The following SUPT4H1 variants were observed in gnomAD, a reference collection of about 807,000 sequenced individuals.
SUPT4H1 encodes SPT4 homolog, DSIF elongation factor subunit.
Under a neutral mutation model 19.4 loss-of-function variants are expected in SUPT4H1, and 12 were observed. That is an observed-to-expected ratio of 0.62 (90% CI 0.40 to 1.00). The LOEUF (loss-of-function observed/expected upper bound fraction) is 1.00. SUPT4H1 is among the 50% of genes least tolerant of loss of function. The pLI is 0.00. For synonymous variants in SUPT4H1, 58 were observed against 56.3 expected (o/e 1.03, Z -0.14); for missense variants, 115 against 149.2 (o/e 0.77, Z 1.19).
At chr17:58,350,021 G>A (rs750071737) in intron 2 of SUPT4H1, among the ~76,000 whole-genome samples, 1 of 152,244 alleles carries the variant, frequency 6.6e-6, no homozygotes, top group Non-Finnish European at 1.5e-5. Flanking sequence ...AGTGGCTCAT[G>A]CCTGTAATCC....
chr17:58,351,773 A>T, intron 1 of SUPT4H1: 1 of 572,656 alleles, frequency 1.7e-6, no homozygotes, highest in South Asian at 2.1e-5. Flanking sequence ...CTACTCACTC[A>T]GCAGCGGATC....
intron 3 of SUPT4H1, 35 bp from the exon 4 acceptor site, chr17:58,347,276 G>A: frequency 6.2e-7 from 1 of 1,610,948 alleles, no homozygotes; most frequent in East Asian, 2.2e-5. Context: ...AGATTACAGT[G>A]AAGTTAGTTA....
intron 2 of SUPT4H1, among the ~76,000 whole-genome samples, chr17:58,350,924 T>G (rs1250553403): frequency 1.3e-5 from 2 of 152,102 alleles, no homozygotes; most frequent in Non-Finnish European, 2.9e-5. Flanking sequence ...AAAAAAAATT[T>G]TCATGCATTT....
chr17:58,346,442 TG>T (rs1244703044), intron 4 of SUPT4H1, 129 bp from the exon 5 acceptor site: 1 of 749,198 alleles, frequency 1.3e-6, no homozygotes, highest in African/African-American at 1.7e-5. Flanking sequence ...ATCGTCTGCT[TG>T]GCCAGGCACG....
At chr17:58,347,165 T>C (rs758508643) in intron 4 of SUPT4H1, 23 bp downstream of exon 4, 9 of 1,610,528 alleles carry the variant, frequency 5.6e-6, no homozygotes, top group Middle Eastern at 3.3e-4. Context: ...TAAATGAACA[T>C]TGGCTGTTAT....
chr17:58,350,442 C>G (rs938864943), intron 2 of SUPT4H1, among the ~76,000 whole-genome samples: 2 of 151,476 alleles, frequency 1.3e-5, no homozygotes, highest in African/African-American at 4.9e-5. Context: ...ACCTGGGAGG[C>G]GGAGGTTGCA....
intron 4 of SUPT4H1, 78 bp from the exon 5 acceptor site, chr17:58,346,391 G>C (rs533491320): frequency 1.1e-5 from 14 of 1,220,744 alleles, no homozygotes; most frequent in African/African-American, 1.0e-4. Flanking sequence ...CACCTTGAGG[G>C]GGGTACTATA....
At chr17:58,346,388 AG>A (rs34048633) in intron 4 of SUPT4H1, 75 bp from the exon 5 acceptor site, 11 of 1,266,690 alleles carry the variant, frequency 8.7e-6, no homozygotes, top group African/African-American at 1.5e-5. Context: ...TGCCACCTTG[AG>A]GGGGGTACTA....
rs778118649 is a variant in SUPT4H1, at chr17:58,346,197, A to G, written c.*49T>C. 2.7e-6 allele frequency: 4 copies of G among 1,467,742 alleles called. No individual in the cohort carries two copies. The East Asian group carries it at 6.8e-5, about 25-fold the overall frequency. 90.9% of individuals were successfully genotyped at this position (1,467,742 alleles called of 1,614,324 possible). ...TCATTTAGTTCCAGAACAAGAAATAAGCAGAGGCAGGAGGTGGAGAGCAAA... is the reference window on the plus strand; with the variant it reads ...TCATTTAGTTCCAGAACAAGAAATAGGCAGAGGCAGGAGGTGGAGAGCAAA... On this transcript the variant is annotated 3_prime_UTR_variant, in exon 5 of 5. Coordinates refer to ENST00000225504, the MANE Select transcript of SUPT4H1 (RefSeq NM_003168.3).
In SUPT4H1 at chr17:58,351,294, A is replaced by C. The variant is rs1025586213; in HGVS notation, c.176+108T>G. The C allele has an allele frequency of 2.1e-4, 149 of 712,914 alleles. 2 individuals are homozygous for C. The highest frequency in any genetic ancestry group is 4.2e-4 in the Middle Eastern group (1 of 2,386). The allele number at this position is 712,914 out of a possible 1,614,324, so 44.2% of individuals were successfully genotyped here. A position where few individuals can be genotyped will look rare whatever the true frequency, so the allele number is the denominator to read the frequency against. On this transcript the variant is annotated intron_variant, in intron 2 of 4. Transcript: ENST00000225504. ...AAAAAACCCACACAAAATAACCCCC[A>C]AAAACGAATGGCTGGGCCCAACTAG...
chr17:58,348,997 T>C (rs746128011), intron 2 of SUPT4H1, among the ~76,000 whole-genome samples: 3 of 152,246 alleles, frequency 2.0e-5, no homozygotes, highest in South Asian at 2.1e-4. Context: ...TCACCATTCA[T>C]TGGGGGAAAT....
At chr17:58,351,361 G>T in intron 2 of SUPT4H1, 41 bp downstream of exon 2, 1 of 1,401,556 alleles carries the variant, frequency 7.1e-7, no homozygotes, top group South Asian at 1.2e-5. Flanking sequence ...GGTGCAGGTT[G>T]GGTAATGCAG....
At chr17:58,351,880 C>A in intron 1 of SUPT4H1, 187 bp downstream of exon 1, 1 of 630,772 alleles carries the variant, frequency 1.6e-6, no homozygotes, top group Admixed American at 2.8e-5. Context: ...ACCGCCCCTG[C>A]CCTCAGCTGC....
rs1205469732 is a variant in SUPT4H1, at chr17:58,345,534, T to C, written c.*712A>G. 6.6e-6 allele frequency: 1 copy of C among 152,116 alleles called. No individual in the cohort carries two copies. Among genetic ancestry groups the C allele is most frequent in the Admixed American group, 6.6e-5 (1 of 15,266 alleles). 9.4% of individuals were successfully genotyped at this position (152,116 alleles called of 1,614,324 possible). A position where few individuals can be genotyped will look rare whatever the true frequency, so the allele number is the denominator to read the frequency against. On this transcript the variant is annotated 3_prime_UTR_variant, in exon 5 of 5. Transcript: ENST00000225504. Reference sequence around the variant, plus strand: ...AGGCCCAAGGGTCTCCAGTGAGTGCTTGAGACTGGCCTAAGGTATAGGAAG... The same window carrying C: ...AGGCCCAAGGGTCTCCAGTGAGTGCCTGAGACTGGCCTAAGGTATAGGAAG...
At chr17:58,348,349 A>G (rs781307213) in intron 2 of SUPT4H1, among the ~76,000 whole-genome samples, 6 of 152,160 alleles carry the variant, frequency 3.9e-5, no homozygotes, top group Non-Finnish European at 7.4e-5. Flanking sequence ...GACTGCCTCA[A>G]TATGCCTCCC....
intron 2 of SUPT4H1, among the ~76,000 whole-genome samples, chr17:58,349,894 AGT>A (rs1280281564): frequency 6.6e-6 from 1 of 152,222 alleles, no homozygotes; most frequent in African/African-American, 2.4e-5. Flanking sequence ...ACGAGGAGCT[AGT>A]GTTTAATGGG....
rs745582542 is a variant in SUPT4H1, at chr17:58,347,575, C to T, written c.186G>A (p.Ala62=). 36 of 1,614,040 alleles carry T rather than the reference C, an allele frequency of 2.2e-5. No individual in the cohort carries two copies. Among genetic ancestry groups the T allele is most frequent in the African/African-American group, 8.0e-5 (6 of 74,912 alleles). Residue 62 remains alanine (A), a synonymous_variant, in exon 3 of 5, where the codon GCG becomes GCA. Coordinates refer to ENST00000225504, the MANE Select transcript of SUPT4H1 (RefSeq NM_003168.3). The part of the protein sequence containing the change: ...CTSSSFDGII[A]MMSPEDSWVS... Reference sequence around the variant, plus strand: ...CCCAGCTGTCCTCTGGACTCATCATCGCAATGATTCTAGGGAGGGAAAAGA... The same window carrying T: ...CCCAGCTGTCCTCTGGACTCATCATTGCAATGATTCTAGGGAGGGAAAAGA...
At chr17:58,350,239 C>A (rs780222670) in intron 2 of SUPT4H1, among the ~76,000 whole-genome samples, 4 of 151,960 alleles carry the variant, frequency 2.6e-5, no homozygotes, top group Non-Finnish European at 4.4e-5. Flanking sequence ...TGCAGCCGGG[C>A]GCTGTGGCTC....
chr17:58,347,161 A>G, intron 4 of SUPT4H1, 27 bp downstream of exon 4: 2 of 1,605,444 alleles, frequency 1.2e-6, no homozygotes, highest in Non-Finnish European at 1.7e-6. Flanking sequence ...ACAGTAAATG[A>G]ACATTGGCTG....
Sources: allele counts gnomAD v4.1 joint callset (sites outside exome capture counted in the v4.1 genomes callset), GRCh38; gene constraint gnomAD v4.1.1; transcripts MANE v1.5; gene names NCBI Gene and HGNC (gene_info 2026-07-23, HGNC 2026-07-21).